The following OOEP variants were observed in gnomAD, a reference collection of about 807,000 sequenced individuals.
OOEP encodes the protein oocyte expressed protein.
A neutral mutation model predicts 13.7 loss-of-function variants in OOEP; 16 were observed. The ratio of observed to expected loss-of-function variants is 1.16; its 90% confidence interval spans 0.79 to 1.77. The LOEUF (loss-of-function observed/expected upper bound fraction) is 1.77, where lower values mean the gene tolerates loss of function less well. OOEP is among the 40% of genes most tolerant of loss of function. The probability of loss-of-function intolerance (pLI) is 0.00; values close to 1 mark genes in which losing one functional copy is unlikely to be tolerated. For missense variants in OOEP, 195 were observed against 193.1 expected, an observed-to-expected ratio of 1.01 and a Z score of -0.06; for synonymous variants, 89 against 77.1, an observed-to-expected ratio of 1.15 and a Z score of -0.81.
chr6:73,389,297 G>T (rs1214442391), intron 2 of OOEP, among the ~76,000 whole-genome samples: 1 of 152,170 alleles, frequency 6.6e-6, no homozygotes, highest in Non-Finnish European at 1.5e-5. Flanking sequence ...CCCTACTCCG[G>T]AACTGGCGGT....
At chr6:73,370,395 AT>A (rs1323040299), upstream of OOEP, among the ~76,000 whole-genome samples, 2 of 152,070 alleles carry the variant, frequency 1.3e-5, no homozygotes, top group Non-Finnish European at 2.9e-5. Context: ...AAGTTAGACA[AT>A]TTTCCTTTAT....
intron 2 of OOEP, among the ~76,000 whole-genome samples, chr6:73,393,232 C>T (rs1017769595): frequency 6.6e-6 from 1 of 152,126 alleles, no homozygotes; most frequent in African/African-American, 2.4e-5. Flanking sequence ...ATCCTCCCAC[C>T]TCAGCCTCCT....
chr6:73,383,858 G>A (rs957367548), intron 2 of OOEP, among the ~76,000 whole-genome samples: 2 of 152,142 alleles, frequency 1.3e-5, no homozygotes, highest in African/African-American at 4.8e-5. Context: ...CACTTTGGGA[G>A]GCTGAGGCAG....
At chr6:73,389,023 G>GAAGGA (rs10622359) in intron 2 of OOEP, among the ~76,000 whole-genome samples, 105,453 of 150,770 alleles carry the variant, frequency 0.7, 36,973 homozygotes, top group East Asian at 0.82. Flanking sequence ...GTGCAAATGC[G>GAAGGA]AAGCCGCGAC....
chr6:73,379,039 T>G (rs79703699), intron 2 of OOEP, among the ~76,000 whole-genome samples: 8,943 of 152,032 alleles, frequency 0.059, 670 homozygotes, highest in East Asian at 0.19. Flanking sequence ...TTATGATTAT[T>G]ATTTTTTGAG....
chr6:73,394,779 GC>G, exon 1 of OOEP: 1 of 1,383,722 alleles, frequency 7.2e-7, no homozygotes, highest in Non-Finnish European at 9.7e-7. Context: ...GGGCGGGGGG[GC>G]TAGCCTCGTG....
At chr6:73,375,554 TGGA>T (rs1769126260) in intron 2 of OOEP, among the ~76,000 whole-genome samples, 1 of 148,920 alleles carries the variant, frequency 6.7e-6, no homozygotes, top group Non-Finnish European at 1.5e-5. Context: ...CACTCCAGCC[TGGA>T]CTCTCTTTTC....
At chr6:73,373,314 G>T (rs1769089704), upstream of OOEP, 1 of 1,524,466 alleles carries the variant, frequency 6.6e-7, no homozygotes, top group African/African-American at 1.4e-5. Context: ...AAGGAAGAGG[G>T]CTCCTTCTCT....
Position 73,368,685 on chromosome 6 carries a change from A to G in OOEP, c.*99T>C. 3.9e-6 allele frequency: 3 copies of G among 775,580 alleles called. No homozygotes were observed. Among genetic ancestry groups the G allele is most frequent in the Non-Finnish European group, 6.7e-6 (3 of 448,462 alleles). 48.0% of individuals were successfully genotyped at this position (775,580 alleles called of 1,614,324 possible). ...ACCACAATCCATCAAGACACAGGAA[A>G]AAGGAATACGGGGATTTAAGAATGC... On this transcript the variant is annotated 3_prime_UTR_variant, in exon 3 of 3. Coordinates refer to ENST00000370359, the MANE Select transcript of OOEP (RefSeq NM_001080507.3).
At chr6:73,376,301 C>G (rs1388767029) in intron 2 of OOEP, among the ~76,000 whole-genome samples, 2 of 147,638 alleles carry the variant, frequency 1.4e-5, no homozygotes, top group African/African-American at 5.1e-5. Flanking sequence ...AGAGAAACAG[C>G]CTTAATTGAC....
At position 73,369,281 on chromosome 6, in the gene OOEP, G is replaced by C. The variant is rs1031891996; in HGVS notation, c.295C>G (p.Arg99Gly). 4.3e-6 allele frequency: 7 copies of C among 1,613,874 alleles called. No homozygotes were observed. Among genetic ancestry groups the C allele is most frequent in the Non-Finnish European group, 5.9e-6 (7 of 1,179,866 alleles). Reference sequence around the variant, plus strand: ...TTCACCCGATTCTGTACACGGGGCCGCCCGAAAACGGTGATTTCGACTAGG... The same window carrying C: ...TTCACCCGATTCTGTACACGGGGCCCCCCGAAAACGGTGATTTCGACTAGG... ...GNLVEITVFG[R>G]PRVQNRVKSM... is the part of the protein sequence containing the mutation. Residue 99 changes from arginine (R) to glycine (G), a missense_variant, in exon 2 of 3, where the codon CGG becomes GGG. Transcript: ENST00000370359.
At chr6:73,380,013 G>A (rs1769180212) in intron 2 of OOEP, among the ~76,000 whole-genome samples, 1 of 152,192 alleles carries the variant, frequency 6.6e-6, no homozygotes, top group African/African-American at 2.4e-5. Flanking sequence ...TCAGCAAACG[G>A]TAGCTTCTTA....
chr6:73,375,036 A>G (rs543851139), intron 2 of OOEP, among the ~76,000 whole-genome samples: 1 of 152,252 alleles, frequency 6.6e-6, no homozygotes, highest in East Asian at 1.9e-4. Flanking sequence ...CATGTTGGCC[A>G]GGCTGGTCTC....
intron 2 of OOEP, among the ~76,000 whole-genome samples, chr6:73,389,033 C>CG (rs1769311721): frequency 1.0e-5 from 1 of 97,700 alleles, no homozygotes; most frequent in Non-Finnish European, 2.0e-5. Flanking sequence ...GAAGCCGCGA[C>CG]GCGAGCTGGA....
intron 2 of OOEP, among the ~76,000 whole-genome samples, chr6:73,390,164 G>A (rs1769327755): frequency 6.6e-6 from 1 of 151,676 alleles, no homozygotes; most frequent in South Asian, 2.1e-4. Flanking sequence ...GGCCCACAGG[G>A]AAAGAAAAAA....
intron 2 of OOEP, among the ~76,000 whole-genome samples, chr6:73,388,530 T>C (rs1769305494): frequency 6.6e-6 from 1 of 152,222 alleles, no homozygotes; most frequent in Non-Finnish European, 1.5e-5. Flanking sequence ...GCTTTTTTCT[T>C]GAAAAAGGGA....
intron 2 of OOEP, among the ~76,000 whole-genome samples, chr6:73,388,758 G>T (rs1417389779): frequency 6.6e-6 from 1 of 152,254 alleles, no homozygotes; most frequent in African/African-American, 2.4e-5. Flanking sequence ...CTGGCAGGTT[G>T]TAAGTGCCCA....
intron 1 of OOEP, chr6:73,394,596 G>T (rs1769417700): frequency 2.1e-5 from 7 of 336,720 alleles, no homozygotes; most frequent in Non-Finnish European, 3.8e-5. Flanking sequence ...AAAGTCCCAC[G>T]CCTGGAAAGG....
exon 1 of OOEP, chr6:73,395,085 C>T (rs1441683860): frequency 1.2e-6 from 2 of 1,614,000 alleles, no homozygotes; most frequent in Non-Finnish European, 1.7e-6. Context: ...CCCCGGAGGC[C>T]GTGGCCGCTG....
Sources: allele counts gnomAD v4.1 joint callset (sites outside exome capture counted in the v4.1 genomes callset), GRCh38; gene constraint gnomAD v4.1.1; transcripts MANE v1.5; gene names NCBI Gene and HGNC (gene_info 2026-07-23, HGNC 2026-07-21).